Variants in DISC1 observed in about 807,000 individuals in gnomAD.
The protein encoded by DISC1 is DISC1 scaffold protein, also known as disrupted in schizophrenia 1 protein.
DISC1 carries 57 observed loss-of-function variants against 84.5 expected under a neutral mutation model. That is an observed-to-expected ratio of 0.67 (90% CI 0.55 to 0.84). The LOEUF (loss-of-function observed/expected upper bound fraction) is 0.84. DISC1 is among the 40% of genes least tolerant of loss of function. DISC1 has a pLI of 0.00. For synonymous variants in DISC1, 411 were observed against 415.2 expected (o/e 0.99, Z 0.12); for missense variants, 1,000 against 1,057.8 (o/e 0.95, Z 0.76).
chr1:231,709,214 A>T (rs1455127844), intron 3 of DISC1, among the ~76,000 whole-genome samples: 1 of 152,224 alleles, frequency 6.6e-6, no homozygotes, highest in Non-Finnish European at 1.5e-5. Context: ...TGCAGGTCTA[A>T]GTGTTGGCAT....
At chr1:231,833,146 G>T (rs1027760735) in intron 9 of DISC1, among the ~76,000 whole-genome samples, 12 of 150,542 alleles carry the variant, frequency 8.0e-5, no homozygotes, top group Admixed American at 7.3e-4. Flanking sequence ...GGAATAGTCA[G>T]GGAAGCAGAT....
intron 6 of DISC1, among the ~76,000 whole-genome samples, chr1:231,774,310 C>T (rs2076790225): frequency 6.6e-6 from 1 of 151,932 alleles, no homozygotes; most frequent in African/African-American, 2.4e-5. Flanking sequence ...TAGGAATAAA[C>T]CAGAGCAGTT....
chr1:231,724,994 C>T (rs576913422), intron 3 of DISC1, among the ~76,000 whole-genome samples: 56 of 152,240 alleles, frequency 3.7e-4, no homozygotes, highest in African/African-American at 1.3e-3. Flanking sequence ...AGAGATTCCC[C>T]GGGACCTACA....
intron 9 of DISC1, among the ~76,000 whole-genome samples, chr1:231,919,113 A>G (rs1363398021): frequency 1.3e-5 from 2 of 152,218 alleles, no homozygotes; most frequent in African/African-American, 4.8e-5. Flanking sequence ...TCGTTGATGG[A>G]TGAAACCTGA....
At chr1:231,889,695 A>C (rs1224149660) in intron 9 of DISC1, among the ~76,000 whole-genome samples, 1 of 152,030 alleles carries the variant, frequency 6.6e-6, no homozygotes. Context: ...CACTCAATCT[A>C]GAGCTCTTCT....
At chr1:231,932,176 A>C (rs887749864) in intron 9 of DISC1, among the ~76,000 whole-genome samples, 1 of 152,188 alleles carries the variant, frequency 6.6e-6, no homozygotes, top group Non-Finnish European at 1.5e-5. Context: ...AATCTTGCAA[A>C]ATAACCTACC....
chr1:231,785,221 CTGTGTGTGTGTGTGTGTG>C (rs71573141), intron 6 of DISC1, among the ~76,000 whole-genome samples: 1 of 136,428 alleles, frequency 7.3e-6, no homozygotes, highest in African/African-American at 2.7e-5. Context: ...ACAGATTTGT[CTGTGTGTGTGTGTGTGTG>C]TGTGTGTGTG....
At chr1:231,934,621 T>C (rs1253792464) in intron 9 of DISC1, among the ~76,000 whole-genome samples, 1 of 152,242 alleles carries the variant, frequency 6.6e-6, no homozygotes, top group Non-Finnish European at 1.5e-5. Context: ...ATATGTAACG[T>C]ATATATTGTT....
intron 9 of DISC1, among the ~76,000 whole-genome samples, chr1:231,834,559 G>A (rs909663490): frequency 8.5e-5 from 13 of 152,140 alleles, no homozygotes; most frequent in African/African-American, 2.9e-4. Flanking sequence ...AACCACTGTC[G>A]AGTTTGCATT....
intron 1 of DISC1, among the ~76,000 whole-genome samples, chr1:231,664,665 TC>T (rs2061858079): frequency 6.6e-6 from 1 of 152,150 alleles, no homozygotes; most frequent in African/African-American, 2.4e-5. Context: ...CCAGTGAGAC[TC>T]ACTTTGACCT....
chr1:231,734,491 T>G (rs1558448578), intron 3 of DISC1, among the ~76,000 whole-genome samples: 1 of 152,064 alleles, frequency 6.6e-6, no homozygotes, highest in Non-Finnish European at 1.5e-5. Context: ...GCTCTCTCTC[T>G]CTCTCTCTCA....
At chr1:231,705,681 G>T (rs1347202726) in intron 3 of DISC1, among the ~76,000 whole-genome samples, 1 of 152,144 alleles carries the variant, frequency 6.6e-6, no homozygotes, top group African/African-American at 2.4e-5. Flanking sequence ...TAGTGAATTT[G>T]TTATGAGATT....
In DISC1 at chr1:231,694,781, G is replaced by A. The variant is rs768090422; in HGVS notation, c.1023G>A (p.Leu341=). Residue 341 remains leucine (L), a synonymous_variant, in exon 2 of 13, where the codon CTG becomes CTA. Transcript: ENST00000439617. The part of the protein sequence containing the change: ...RKWEPVLRDC[L]LRNRRQMEVI... ...GGGAGCCAGTGCTGCGGGACTGCCTGCTGAGAAACCGGAGGCAGATGGAGG... is the reference window on the plus strand; with the variant it reads ...GGGAGCCAGTGCTGCGGGACTGCCTACTGAGAAACCGGAGGCAGATGGAGG... 6 of 1,613,786 alleles carry A rather than the reference G, an allele frequency of 3.7e-6. No individual in the cohort carries two copies. The East Asian group carries it at 1.3e-4, about 36-fold the overall frequency.
At chr1:231,861,735 C>G (rs1419247662) in intron 9 of DISC1, among the ~76,000 whole-genome samples, 1 of 152,094 alleles carries the variant, frequency 6.6e-6, no homozygotes, top group East Asian at 1.9e-4. Context: ...TGATAGTTTT[C>G]CATTTTCATC....
chr1:231,951,651 T>TC (rs1658385106), intron 9 of DISC1, among the ~76,000 whole-genome samples: 1 of 152,186 alleles, frequency 6.6e-6, no homozygotes, highest in Non-Finnish European at 1.5e-5. Context: ...CTTTTATTAG[T>TC]CATCTATTGA....
intron 9 of DISC1, among the ~76,000 whole-genome samples, chr1:231,822,559 A>T (rs1396353624): frequency 6.6e-6 from 1 of 152,182 alleles, no homozygotes; most frequent in African/African-American, 2.4e-5. Flanking sequence ...AAAAGTTGTA[A>T]GTTCGCAATG....
chr1:231,992,583 A>G (rs1476770242), intron 10 of DISC1, among the ~76,000 whole-genome samples: 1 of 152,116 alleles, frequency 6.6e-6, no homozygotes, highest in Non-Finnish European at 1.5e-5. Flanking sequence ...GTTTTTCCCC[A>G]CTTCGAGTCA....
At chr1:231,888,194 A>AG (rs1481118495) in intron 9 of DISC1, among the ~76,000 whole-genome samples, 7 of 152,276 alleles carry the variant, frequency 4.6e-5, no homozygotes, top group Admixed American at 4.6e-4. Context: ...AAGGGTACTG[A>AG]GGGAGTTCTT....
chr1:231,671,215 C>G (rs1009523660), intron 1 of DISC1, among the ~76,000 whole-genome samples: 4 of 151,676 alleles, frequency 2.6e-5, no homozygotes, highest in African/African-American at 9.7e-5. Context: ...AGTTTGGTTT[C>G]CTATTTATTT....
Sources: gnomAD v4.1 joint callset for allele counts (sites outside exome capture counted in the v4.1 genomes callset) on GRCh38, gnomAD v4.1.1 for gene constraint, MANE v1.5 for transcripts, NCBI Gene and HGNC (gene_info 2026-07-23, HGNC 2026-07-21) for gene names.